LHX1: variants seen among roughly 807,000 people sequenced by gnomAD.
LHX1 encodes LIM/homeobox protein Lhx1.
Under a neutral mutation model 34.1 loss-of-function variants are expected in LHX1, and 9 were observed. That is an observed-to-expected ratio of 0.26 (90% CI 0.16 to 0.46). LHX1 has a LOEUF of 0.46. Ranked by LOEUF, LHX1 falls within the 20% of genes least tolerant of loss-of-function variation. The pLI is 1.00. For missense variants in LHX1, 446 were observed against 559.1 expected (o/e 0.80, Z 2.04); for synonymous variants, 254 against 241.5 (o/e 1.05, Z -0.48).
In LHX1 at chr17:36,942,981, C is replaced by T; in HGVS notation, c.1071C>T (p.Pro357=). The T allele has an allele frequency of 6.2e-7, 1 of 1,611,208 alleles. No homozygotes were observed. Among genetic ancestry groups the T allele is most frequent in the Non-Finnish European group, 8.5e-7 (1 of 1,179,266 alleles). Residue 357 remains proline (P), a synonymous_variant, in exon 5 of 5, where the codon CCC becomes CCT. Coordinates refer to ENST00000614239, the MANE Select transcript of LHX1 (RefSeq NM_005568.5). The part of the protein sequence containing the change: ...LAHPPGDSPS[P]EPSLPGPLHS... ...ACCCACCCGGGGACTCGCCCAGCCC[C>T]GAGCCCAGCCTGCCCGGGCCTCTGC...
At position 36,943,259 on chromosome 17, in the gene LHX1, C is replaced by T; in HGVS notation, c.*128C>T. 1 of 1,151,482 alleles carries T rather than the reference C, an allele frequency of 8.7e-7. No individual in the cohort carries two copies. The highest frequency in any genetic ancestry group is 1.2e-6 in the Non-Finnish European group (1 of 836,096). The allele number at this position is 1,151,482 out of a possible 1,614,324, so 71.3% of individuals were successfully genotyped here. A position where few individuals can be genotyped will look rare whatever the true frequency, so the allele number is the denominator to read the frequency against. On this transcript the variant is annotated 3_prime_UTR_variant, in exon 5 of 5. Coordinates refer to ENST00000614239, the MANE Select transcript of LHX1 (RefSeq NM_005568.5). ...TCCTCCAGCCTCGAGAACCATTCTC[C>T]TTCTGGGGAGACCGGATGGAAAAGG... is the stretch of plus-strand genomic sequence containing the variant.
At position 36,937,836 on chromosome 17, in the gene LHX1, C is replaced by G. The variant is rs754415521; in HGVS notation, c.-362C>G. 54 of 538,752 alleles carry G rather than the reference C, an allele frequency of 1.0e-4. No homozygotes were observed. Among genetic ancestry groups the G allele is most frequent in the South Asian group, 8.1e-4 (53 of 65,260 alleles). 33.4% of individuals were successfully genotyped at this position (538,752 alleles called of 1,614,324 possible). ...CTTCTCCGTTTTTATTTATTTATTT[C>G]CGTTCCCGCCGCCGTTCTCGCTGAC... On this transcript the variant is annotated 5_prime_UTR_variant, in exon 1 of 5. Transcript: ENST00000614239.
rs779240298 is a variant in LHX1, at chr17:36,943,148, C to T, written c.*17C>T. 3 of 1,611,122 alleles carry T rather than the reference C, an allele frequency of 1.9e-6. No homozygotes were observed. The highest frequency in any genetic ancestry group is 2.2e-5 in the South Asian group (2 of 90,952). ...GTGTGGTAGCGGGGTCTCGCACGGTCTGCGGAGTTCGTGGTTGTACAGAAA... is the reference window on the plus strand; with the variant it reads ...GTGTGGTAGCGGGGTCTCGCACGGTTTGCGGAGTTCGTGGTTGTACAGAAA... On this transcript the variant is annotated 3_prime_UTR_variant, in exon 5 of 5. Transcript: ENST00000614239.
At chr17:36,936,899 C>T (rs1218724468), upstream of LHX1, 3 of 115,966 alleles carry the variant, frequency 2.6e-5, no homozygotes, top group Non-Finnish European at 5.7e-5. Context: ...AGCAACGAGC[C>T]GCGGCCCGGG....
intron 3 of LHX1, 116 bp from the exon 4 acceptor site, chr17:36,942,084 A>AGCGC: frequency 9.9e-7 from 1 of 1,012,430 alleles, no homozygotes; most frequent in Non-Finnish European, 1.5e-6. Flanking sequence ...CACACACACA[A>AGCGC]GCGCGCGCGC....
intron 1 of LHX1, among the ~76,000 whole-genome samples, chr17:36,939,312 C>A (rs1169715909): frequency 6.6e-6 from 1 of 152,190 alleles, no homozygotes; most frequent in Non-Finnish European, 1.5e-5. Context: ...TGTGAAATAT[C>A]GCAATTTACT....
intron 4 of LHX1, 82 bp from the exon 5 acceptor site, chr17:36,942,670 G>A: frequency 1.5e-6 from 2 of 1,371,298 alleles, no homozygotes; most frequent in Admixed American, 3.0e-5. Flanking sequence ...TCAGCCCGCC[G>A]AGGTCGCGTC....
At position 36,942,325 on chromosome 17, in the gene LHX1, G is replaced by C. The variant is rs1336299176; in HGVS notation, c.801G>C (p.Pro267=). Residue 267 remains proline (P), a synonymous_variant, in exon 4 of 5, where the codon CCG becomes CCC. Coordinates refer to ENST00000614239, the MANE Select transcript of LHX1 (RefSeq NM_005568.5). The stretch of plus-strand genomic sequence containing the variant: ...GGCCGCTGGTGGACCGCCTGGAGCC[G>C]GGCGAGCTCATCCCCAATGGTCCCT... The part of the protein sequence containing the change: ...RMRPLVDRLE[P]GELIPNGPFS... 1 of 1,591,072 alleles carries C rather than the reference G, an allele frequency of 6.3e-7. No individual in the cohort carries two copies.
Position 36,938,190 on chromosome 17 carries a change from CAA to C in LHX1, c.-6_-5del, listed in dbSNP as rs758097318. 1.2e-6 allele frequency: 2 copies of C among 1,613,412 alleles called. No homozygotes were observed. Among genetic ancestry groups the C allele is most frequent in the East Asian group, 4.5e-5 (2 of 44,888 alleles). On this transcript the variant is annotated 5_prime_UTR_variant, in exon 1 of 5. Transcript: ENST00000614239. ...CTCTCTGGGCCTCATCAGACCAAAC[CAA>C]AGACCATGGTTCACTGTGCCGGCTG...
chr17:36,944,294 T>C lies in LHX1; in HGVS notation c.*1163T>C, dbSNP rs2070788774. The C allele has an allele frequency of 6.6e-6, 1 of 151,764 alleles. No homozygotes were observed. Among genetic ancestry groups the C allele is most frequent in the Admixed American group, 6.6e-5 (1 of 15,248 alleles). The allele number at this position is 151,764 out of a possible 1,614,324, so 9.4% of individuals were successfully genotyped here. A position where few individuals can be genotyped will look rare whatever the true frequency, so the allele number is the denominator to read the frequency against. On this transcript the variant is annotated 3_prime_UTR_variant, in exon 5 of 5. Coordinates refer to ENST00000614239, the MANE Select transcript of LHX1 (RefSeq NM_005568.5). ...AAAAAAAAAAAAAAGTGTTACAAGATTTAAAAAAAAACATCTTTGCTAATT... is the reference window on the plus strand; with the variant it reads ...AAAAAAAAAAAAAAGTGTTACAAGACTTAAAAAAAAACATCTTTGCTAATT...
At chr17:36,940,153 G>C in intron 1 of LHX1, 137 bp from the exon 2 acceptor site, 1 of 650,802 alleles carries the variant, frequency 1.5e-6, no homozygotes, top group South Asian at 1.8e-5. Context: ...TTCTTTCTGT[G>C]CTCCATTCCT....
In LHX1 at chr17:36,943,267, G is replaced by C; in HGVS notation, c.*136G>C. On this transcript the variant is annotated 3_prime_UTR_variant, in exon 5 of 5. Transcript: ENST00000614239. ...CCTCGAGAACCATTCTCCTTCTGGG[G>C]AGACCGGATGGAAAAGGGGGACACG... 2 of 1,079,558 alleles carry C rather than the reference G, an allele frequency of 1.9e-6. No individual in the cohort carries two copies. The highest frequency in any genetic ancestry group is 3.5e-5 in the South Asian group (2 of 57,746). 66.9% of individuals were successfully genotyped at this position (1,079,558 alleles called of 1,614,324 possible).
At position 36,937,708 on chromosome 17, in the gene LHX1, A is replaced by G. The variant is rs751129161; in HGVS notation, c.-490A>G. ...CGCACACAGTCGCCCTCATACCCCG[A>G]CAAAAGCAGATGCACTTTGACTTCT... On this transcript the variant is annotated 5_prime_UTR_variant, in exon 1 of 5. Transcript: ENST00000614239. The G allele has an allele frequency of 1.8e-5, 8 of 434,846 alleles. No homozygotes were observed. Among genetic ancestry groups the G allele is most frequent in the Non-Finnish European group, 2.8e-5 (6 of 214,994 alleles). The allele number at this position is 434,846 out of a possible 1,614,324, so 26.9% of individuals were successfully genotyped here.
chr17:36,937,540 A>G lies in LHX1; in HGVS notation c.-658A>G. 1 of 314,566 alleles carries G rather than the reference A, an allele frequency of 3.2e-6. No individual in the cohort carries two copies. The highest frequency in any genetic ancestry group is 6.2e-6 in the Non-Finnish European group (1 of 160,444). 19.5% of individuals were successfully genotyped at this position (314,566 alleles called of 1,614,324 possible). On this transcript the variant is annotated 5_prime_UTR_variant, in exon 1 of 5. Coordinates refer to ENST00000614239, the MANE Select transcript of LHX1 (RefSeq NM_005568.5). ...GCGGTCGGCCCTCGCCCCCTCCCCC[A>G]GGCCCAGCGCGGGCGCTCGGCGCGT...
Position 36,943,009 on chromosome 17 carries a change from T to G in LHX1, c.1099T>G (p.Ser367Ala), listed in dbSNP as rs546519526. ...PEPSLPGPLH[S>A]MSAEVFGPSP... ...GCCCAGCCTGCCCGGGCCTCTGCAC[T>G]CCATGTCGGCCGAGGTCTTCGGACC... The change falls in exon 5 of 5, where the codon TCC (serine) becomes GCC (alanine). Residue 367 changes from serine to alanine, a missense_variant. By Grantham distance (99) the Ser-to-Ala change is moderately conservative. Coordinates refer to ENST00000614239, the MANE Select transcript of LHX1 (RefSeq NM_005568.5). 3.4e-5 allele frequency: 55 copies of G among 1,610,246 alleles called. No homozygotes were observed. In the South Asian group the frequency reaches 5.9e-4, roughly 17 times the overall value.
At position 36,940,614 on chromosome 17, in the gene LHX1, C is replaced by T. The variant is rs1039923632; in HGVS notation, c.402C>T (p.Thr134=). Residue 134 remains threonine, a synonymous_variant, in exon 3 of 5, where the codon ACC becomes ACT. Transcript: ENST00000614239. ...VAKENSLHSA[T]TGSDPSLSPD... ...CATCTGTCCTTTCCCTCTTAGCCAC[C>T]ACGGGCAGTGACCCCAGTTTGTCTC... The T allele has an allele frequency of 1.6e-5, 26 of 1,613,740 alleles. No individual in the cohort carries two copies. Among genetic ancestry groups the T allele is most frequent in the Non-Finnish European group, 2.2e-5 (26 of 1,180,048 alleles).
Position 36,942,318 on chromosome 17 carries a change from T to C in LHX1, c.794T>C (p.Leu265Pro). Residue 265 changes from leucine to proline, a missense_variant, in exon 4 of 5, where the codon CTG becomes CCG. Transcript: ENST00000614239. ...CGGATGCGGCCGCTGGTGGACCGCC[T>C]GGAGCCGGGCGAGCTCATCCCCAAT... ...PRRMRPLVDR[L>P]EPGELIPNGP... 7 of 1,592,168 alleles carry C rather than the reference T, an allele frequency of 4.4e-6. No individual in the cohort carries two copies. Among genetic ancestry groups the C allele is most frequent in the Non-Finnish European group, 6.0e-6 (7 of 1,170,646 alleles).
In LHX1 at chr17:36,942,735, TC is replaced by T; in HGVS notation, c.842-13del. The T allele has an allele frequency of 6.8e-7, 1 of 1,472,184 alleles. No homozygotes were observed. The highest frequency in any genetic ancestry group is 9.0e-7 in the Non-Finnish European group (1 of 1,110,900). The allele number at this position is 1,472,184 out of a possible 1,614,324, so 91.2% of individuals were successfully genotyped here. On this transcript the variant is annotated splice_polypyrimidine_tract_variant and intron_variant, in intron 4 of 4. Transcript: ENST00000614239. ...GGCCGGGCCCTGACGTCCTGCGCCC[TC>T]CCCGCCGCTCCGCAGATTACCAGAG...
At position 36,940,281 on chromosome 17, in the gene LHX1, C is replaced by T. The variant is rs1438446218; in HGVS notation, c.171-9C>T. 1 of 1,114,092 alleles carries T rather than the reference C, an allele frequency of 9.0e-7. No individual in the cohort carries two copies. The highest frequency in any genetic ancestry group is 1.3e-6 in the Non-Finnish European group (1 of 781,336). 69.0% of individuals were successfully genotyped at this position (1,114,092 alleles called of 1,614,324 possible). A position where few individuals can be genotyped will look rare whatever the true frequency, so the allele number is the denominator to read the frequency against. Reference sequence around the variant, plus strand: ...CCCGCCCCCGCCCCCCACCCCCACCCCCCCGCAGGTGTTTCGGTACCAAAT... The same window carrying T: ...CCCGCCCCCGCCCCCCACCCCCACCTCCCCGCAGGTGTTTCGGTACCAAAT... On this transcript the variant is annotated splice_polypyrimidine_tract_variant and intron_variant, in intron 1 of 4. Coordinates refer to ENST00000614239, the MANE Select transcript of LHX1 (RefSeq NM_005568.5).
Sources: allele counts gnomAD v4.1 joint callset (sites outside exome capture counted in the v4.1 genomes callset), GRCh38; gene constraint gnomAD v4.1.1; transcripts MANE v1.5; gene names NCBI Gene and HGNC (gene_info 2026-07-23, HGNC 2026-07-21).